The following RNF146 variants were observed in gnomAD, a reference collection of about 807,000 sequenced individuals.
RNF146 encodes the protein ring finger protein 146.
RNF146 carries 11 observed loss-of-function variants against 29.7 expected under a neutral mutation model. The observed-to-expected ratio is 0.37, with a 90% CI of 0.23 to 0.61. The LOEUF (loss-of-function observed/expected upper bound fraction) is 0.61, where lower values mean the gene tolerates loss of function less well. Ranked by LOEUF, RNF146 falls within the 20% of genes least tolerant of loss-of-function variation. The pLI, the probability that RNF146 is intolerant of heterozygous loss-of-function variation, is 0.66. For missense variants in RNF146, 342 were observed against 438.9 expected, an observed-to-expected ratio of 0.78 and a Z score of 1.97; for synonymous variants, 150 against 159.7, an observed-to-expected ratio of 0.94 and a Z score of 0.46.
At chr6:127,280,080 TAC>T (rs1425371682) in intron 1 of RNF146, among the ~76,000 whole-genome samples, 149 bp from the exon 2 acceptor site, 1 of 151,878 alleles carries the variant, frequency 6.6e-6, no homozygotes, top group Non-Finnish European at 1.5e-5. Flanking sequence ...TGCTAGAACT[TAC>T]AGTCATGTTG....
At chr6:127,272,643 G>A (rs1562279954) in intron 1 of RNF146, among the ~76,000 whole-genome samples, 2 of 152,162 alleles carry the variant, frequency 1.3e-5, no homozygotes, top group Non-Finnish European at 2.9e-5. Context: ...GAACCTGGTT[G>A]TGTTGTTCTA....
In RNF146 at chr6:127,287,169, G is replaced by A; in HGVS notation, c.556G>A (p.Asp186Asn). The change falls in exon 3 of 3, where the codon GAT becomes AAT. Residue 186 changes from aspartate (D) to asparagine (N), a missense_variant. Transcript: ENST00000368314. ...KGVAGLRLDCDANTVNLARES... is the reference protein window; with the variant it reads ...KGVAGLRLDCNANTVNLARES... ...AGTAGCTGGACTTAGGCTAGACTGT[G>A]ATGCTAATACCGTAAACCTAGCAAG... The A allele has an allele frequency of 6.2e-7, 1 of 1,613,362 alleles. No individual in the cohort carries two copies. The highest frequency in any genetic ancestry group is 8.5e-7 in the Non-Finnish European group (1 of 1,179,608).
chr6:127,280,511 T>C (rs1778787688), intron 2 of RNF146, 171 bp downstream of exon 2: 2 of 1,267,370 alleles, frequency 1.6e-6, no homozygotes. Context: ...TTATCGTTAA[T>C]GTAGATTTCC....
At chr6:127,278,292 A>T (rs1778495629) in intron 1 of RNF146, among the ~76,000 whole-genome samples, 1 of 150,262 alleles carries the variant, frequency 6.7e-6, no homozygotes, top group African/African-American at 2.5e-5. Context: ...TGCAACTATC[A>T]CCATTATAGA....
At chr6:127,278,015 C>T (rs146355393) in intron 1 of RNF146, among the ~76,000 whole-genome samples, 9 of 152,024 alleles carry the variant, frequency 5.9e-5, no homozygotes, top group African/African-American at 1.4e-4. Context: ...CTTAAGATAC[C>T]GTAGGGAGAT....
chr6:127,268,436 TAG>T (rs1168795005), intron 1 of RNF146, among the ~76,000 whole-genome samples: 2 of 152,220 alleles, frequency 1.3e-5, no homozygotes, highest in Non-Finnish European at 2.9e-5. Context: ...ATTGTTTGTA[TAG>T]AGTGTCTGGG....
At chr6:127,267,895 T>C (rs1389279259) in intron 1 of RNF146, among the ~76,000 whole-genome samples, 1 of 152,232 alleles carries the variant, frequency 6.6e-6, no homozygotes, top group African/African-American at 2.4e-5. Context: ...CTAAGGCTTC[T>C]AAAGAATGTA....
chr6:127,287,798 GTGGGAAGGGGTA>G lies in RNF146; in HGVS notation c.*114_*125del, dbSNP rs1250497000. 7.0e-6 allele frequency: 5 copies of G among 710,448 alleles called. No homozygotes were observed. The highest frequency in any genetic ancestry group is 1.2e-5 in the Non-Finnish European group (5 of 405,674). The allele number at this position is 710,448 out of a possible 1,614,324, so 44.0% of individuals were successfully genotyped here. Reference sequence around the variant, plus strand: ...CTAGTAGTGCATTTTGGGAGTTGGGGTGGGAAGGGGTATGGGAAGGATAGACTCATAATTAAA... The same window carrying G: ...CTAGTAGTGCATTTTGGGAGTTGGGGTGGGAAGGATAGACTCATAATTAAA... On this transcript the variant is annotated 3_prime_UTR_variant, in exon 3 of 3. Transcript: ENST00000368314.
chr6:127,282,481 G>A (rs1243263526), intron 2 of RNF146: 3 of 151,600 alleles, frequency 2.0e-5, no homozygotes, highest in Non-Finnish European at 1.5e-5. Flanking sequence ...ATCTCCACCT[G>A]GAGACCTTAA....
intron 1 of RNF146, among the ~76,000 whole-genome samples, chr6:127,267,736 C>A (rs1381540342): frequency 6.6e-6 from 1 of 152,182 alleles, no homozygotes; most frequent in South Asian, 2.1e-4. Flanking sequence ...ATTAAGAGAT[C>A]TCAGAATATC....
rs1206206759 is a variant in RNF146, at chr6:127,288,185, G to A, written c.*492G>A. ...TGAATAACAACTATTTTATAGTAAA[G>A]TTATTGAAATGGAAATGAAAACAGC... On this transcript the variant is annotated 3_prime_UTR_variant, in exon 3 of 3. Transcript: ENST00000368314. 6.0e-6 allele frequency: 1 copy of A among 166,764 alleles called. No homozygotes were observed. The highest frequency in any genetic ancestry group is 1.5e-5 in the Non-Finnish European group (1 of 68,238). 10.3% of individuals were successfully genotyped at this position (166,764 alleles called of 1,614,324 possible).
At chr6:127,280,510 A>G (rs1054870811) in intron 2 of RNF146, 170 bp downstream of exon 2, 3 of 1,266,314 alleles carry the variant, frequency 2.4e-6, no homozygotes, top group Middle Eastern at 3.1e-4. Context: ...GTTATCGTTA[A>G]TGTAGATTTC....
intron 2 of RNF146, among the ~76,000 whole-genome samples, chr6:127,283,115 GAGA>G (rs1424664938): frequency 1.3e-5 from 2 of 151,626 alleles, no homozygotes; most frequent in Admixed American, 1.3e-4. Context: ...TTGTCTTCTT[GAGA>G]AGAAGACTTA....
At chr6:127,270,200 TTGAA>T (rs1429669962) in intron 1 of RNF146, among the ~76,000 whole-genome samples, 2 of 152,216 alleles carry the variant, frequency 1.3e-5, no homozygotes, top group Non-Finnish European at 2.9e-5. Context: ...TTTCACTTAT[TTGAA>T]TGGGTCAAGA....
At chr6:127,271,568 C>T (rs1484065012) in intron 1 of RNF146, among the ~76,000 whole-genome samples, 1 of 152,118 alleles carries the variant, frequency 6.6e-6, no homozygotes, top group Non-Finnish European at 1.5e-5. Context: ...ACATTCTAGA[C>T]CAGCATTGCC....
chr6:127,286,478 T>A lies in RNF146; in HGVS notation c.3-138T>A. The A allele has an allele frequency of 1.1e-6, 1 of 879,324 alleles. No individual in the cohort carries two copies. The highest frequency in any genetic ancestry group is 2.7e-5 in the East Asian group (1 of 36,936). 54.5% of individuals were successfully genotyped at this position (879,324 alleles called of 1,614,324 possible). A position where few individuals can be genotyped will look rare whatever the true frequency, so the allele number is the denominator to read the frequency against. On this transcript the variant is annotated intron_variant, in intron 2 of 2. Transcript: ENST00000368314. The surrounding 1 kb of genome is among the most constrained non-coding windows in gnomAD (Gnocchi z 4.6). ...CGGTTGGAGAGTTTTTCCTCTACTT[T>A]CATCTTCATATCCCCATTGTCTAGT...
Position 127,286,523 on chromosome 6 carries a change from C to T in RNF146, c.3-93C>T. ...TCTAGTATGTGGCTTGCATATAATGCACATCATAGGTGGTTAGTGTTTTCA... is the reference window on the plus strand; with the variant it reads ...TCTAGTATGTGGCTTGCATATAATGTACATCATAGGTGGTTAGTGTTTTCA... On this transcript the variant is annotated intron_variant, in intron 2 of 2. Transcript: ENST00000368314. The surrounding 1 kb of genome is among the most constrained non-coding windows in gnomAD (Gnocchi z 4.6). 1.8e-6 allele frequency: 2 copies of T among 1,120,954 alleles called. No homozygotes were observed. Among genetic ancestry groups the T allele is most frequent in the South Asian group, 1.6e-5 (1 of 61,326 alleles). 69.4% of individuals were successfully genotyped at this position (1,120,954 alleles called of 1,614,324 possible).
rs939001259 is a variant in RNF146, at chr6:127,288,539, T to C, written c.*846T>C. The stretch of plus-strand genomic sequence containing the variant: ...ACAGAATCTATAGGCAGTGTGTATA[T>C]AATAAACATGTATGGAAATAAAACT... On this transcript the variant is annotated 3_prime_UTR_variant, in exon 3 of 3. Coordinates refer to ENST00000368314, the MANE Select transcript of RNF146 (RefSeq NM_001242850.2). 6.0e-6 allele frequency: 1 copy of C among 166,894 alleles called. No individual in the cohort carries two copies. The highest frequency in any genetic ancestry group is 2.4e-5 in the African/African-American group (1 of 41,424). The allele number at this position is 166,894 out of a possible 1,614,324, so 10.3% of individuals were successfully genotyped here. A position where few individuals can be genotyped will look rare whatever the true frequency, so the allele number is the denominator to read the frequency against.
rs777444811 is a variant in RNF146 at position 127,287,276 on chromosome 6, C to A, written c.663C>A (p.Pro221=). The A allele has an allele frequency of 6.2e-7, 1 of 1,613,272 alleles. No individual in the cohort carries two copies. Among genetic ancestry groups the A allele is most frequent in the Admixed American group, 1.7e-5 (1 of 59,844 alleles). The stretch of plus-strand genomic sequence containing the variant: ...AGCCCCTAGTGTCTTCTGTAAGGCC[C>A]CTAACATCAGTAGATGGTCAGTTAA... ...SVQPLVSSVR[P]LTSVDGQLTS... The change falls in exon 3 of 3, where the codon CCC becomes CCA. Residue 221 remains proline, a synonymous_variant. Coordinates refer to ENST00000368314, the MANE Select transcript of RNF146 (RefSeq NM_001242850.2).
Sources: allele counts gnomAD v4.1 joint callset (sites outside exome capture counted in the v4.1 genomes callset), GRCh38; gene constraint gnomAD v4.1.1; non-coding constraint Gnocchi (gnomAD v3.1); transcripts MANE v1.5; gene names NCBI Gene and HGNC (gene_info 2026-07-23, HGNC 2026-07-21).